Variants in MLKL observed in about 807,000 individuals in gnomAD.
The protein encoded by MLKL is mixed lineage kinase domain like pseudokinase.
Under a neutral mutation model 56.5 loss-of-function variants are expected in MLKL, and 55 were observed. The ratio of observed to expected loss-of-function variants is 0.97; its 90% confidence interval spans 0.78 to 1.22. The LOEUF is 1.22. Among genes scored for constraint, MLKL ranks in the 50% most tolerant of loss-of-function variants. The probability of loss-of-function intolerance (pLI) is 0.00; values close to 1 mark genes in which losing one functional copy is unlikely to be tolerated. For synonymous variants in MLKL, 251 were observed against 208.3 expected (o/e 1.20, Z -1.76); for missense variants, 694 against 573.9 (o/e 1.21, Z -2.14).
chr16:74,684,651 C>T (rs998385919), intron 5 of MLKL, among the ~76,000 whole-genome samples: 3 of 149,622 alleles, frequency 2.0e-5, no homozygotes, highest in Admixed American at 1.3e-4. Flanking sequence ...TGTGCCACCA[C>T]ATCCGGCTAA....
At chr16:74,673,002 T>G (rs1243744891) in intron 10 of MLKL, among the ~76,000 whole-genome samples, 1 of 152,190 alleles carries the variant, frequency 6.6e-6, no homozygotes, top group Non-Finnish European at 1.5e-5. Flanking sequence ...ATGCCGTGAC[T>G]TTGATTCTTC....
chr16:74,682,598 G>T, intron 6 of MLKL, 53 bp downstream of exon 6: 1 of 1,603,342 alleles, frequency 6.2e-7, no homozygotes, highest in Non-Finnish European at 8.5e-7. Context: ...GGAGTATCAG[G>T]AGTGTGGACA....
At chr16:74,680,675 T>C (rs1432463063) in intron 6 of MLKL, among the ~76,000 whole-genome samples, 1 of 152,090 alleles carries the variant, frequency 6.6e-6, no homozygotes, top group Non-Finnish European at 1.5e-5. Context: ...CCCAGCTAAT[T>C]TTTGTATTTT....
In MLKL at chr16:74,672,172, G is replaced by A. The variant is rs1959266969; in HGVS notation, c.*332C>T. On this transcript the variant is annotated 3_prime_UTR_variant, in exon 11 of 11. Transcript: ENST00000308807. Reference sequence around the variant, plus strand: ...ATTCTATTGATCAAATCAAGTCACAGTGCCAGCCCAGATTCAAATGGTGGG... The same window carrying A: ...ATTCTATTGATCAAATCAAGTCACAATGCCAGCCCAGATTCAAATGGTGGG... The A allele has an allele frequency of 4.0e-6, 1 of 248,524 alleles. No individual in the cohort carries two copies. Among genetic ancestry groups the A allele is most frequent in the Admixed American group, 5.0e-5 (1 of 20,200 alleles). 15.4% of individuals were successfully genotyped at this position (248,524 alleles called of 1,614,324 possible). A position where few individuals can be genotyped will look rare whatever the true frequency, so the allele number is the denominator to read the frequency against.
At chr16:74,696,999 A>G (rs1324223403) in intron 1 of MLKL, among the ~76,000 whole-genome samples, 1 of 146,540 alleles carries the variant, frequency 6.8e-6, no homozygotes, top group Non-Finnish European at 1.5e-5. Context: ...ATAGTAATAC[A>G]TATATATAAT....
At chr16:74,699,358 G>C (rs563917528) in intron 1 of MLKL, among the ~76,000 whole-genome samples, 1 of 152,022 alleles carries the variant, frequency 6.6e-6, no homozygotes, top group Non-Finnish European at 1.5e-5. Flanking sequence ...GGGATAACCA[G>C]GATTTTAAAA....
At chr16:74,692,168 C>A (rs1272530452) in intron 3 of MLKL, among the ~76,000 whole-genome samples, 174 bp downstream of exon 3, 1 of 152,214 alleles carries the variant, frequency 6.6e-6, no homozygotes, top group East Asian at 1.9e-4. Context: ...ACATGTTATT[C>A]CATGGACAGA....
At chr16:74,692,273 G>A (rs1960720001) in intron 3 of MLKL, 69 bp downstream of exon 3, 5 of 1,370,420 alleles carry the variant, frequency 3.6e-6, no homozygotes, top group African/African-American at 1.4e-5. Context: ...GCGGGAGGCT[G>A]GGGTCCCAGT....
intron 7 of MLKL, 56 bp from the exon 8 acceptor site, chr16:74,675,820 A>G (rs952323517): frequency 7.6e-6 from 12 of 1,570,140 alleles, no homozygotes; most frequent in African/African-American, 2.7e-5. Flanking sequence ...AGAGGAGTAA[A>G]GGGCAGGGAT....
At chr16:74,679,344 G>A (rs944148953) in intron 6 of MLKL, among the ~76,000 whole-genome samples, 4 of 152,152 alleles carry the variant, frequency 2.6e-5, no homozygotes, top group African/African-American at 9.7e-5. Context: ...GACCCTTCAG[G>A]TCAAAGCAGA....
At chr16:74,681,167 A>G (rs925344182) in intron 6 of MLKL, among the ~76,000 whole-genome samples, 6 of 152,054 alleles carry the variant, frequency 3.9e-5, no homozygotes, top group African/African-American at 1.4e-4. Flanking sequence ...CTGAGATTAC[A>G]GGCCTGTGGC....
At chr16:74,699,999 A>G (rs1023337235) in intron 1 of MLKL, among the ~76,000 whole-genome samples, 14 of 152,306 alleles carry the variant, frequency 9.2e-5, no homozygotes, top group African/African-American at 3.1e-4. Context: ...CGATGAGAAA[A>G]CAGGTTACTA....
intron 1 of MLKL, among the ~76,000 whole-genome samples, chr16:74,697,046 C>CATATATATTAT (rs1961090485): frequency 6.8e-6 from 1 of 146,626 alleles, no homozygotes; most frequent in Admixed American, 6.9e-5. Flanking sequence ...TATAATATTA[C>CATATATATTAT]ATATATATTA....
In MLKL at chr16:74,695,719, G is replaced by A; in HGVS notation, c.39C>T (p.Val13=). 6.2e-7 allele frequency: 1 copy of A among 1,612,784 alleles called. No homozygotes were observed. The change falls in exon 2 of 11, where the codon GTC becomes GTT. Residue 13 remains valine (V), a synonymous_variant. Coordinates refer to ENST00000308807, the MANE Select transcript of MLKL (RefSeq NM_152649.4). ...TCATCTCTTCACACCGTTTGTGGAT[G>A]ACCTGGCCAAGGGTGATAATATGCT... ...NLKHIITLGQ[V]IHKRCEEMKY...
At chr16:74,696,939 ATATATATAATAT>A (rs1961077618) in intron 1 of MLKL, among the ~76,000 whole-genome samples, 1 of 144,056 alleles carries the variant, frequency 6.9e-6, no homozygotes, top group Admixed American at 6.9e-5. Flanking sequence ...ATATATAGTA[ATATATATAATAT>A]TACATATATA....
intron 4 of MLKL, among the ~76,000 whole-genome samples, chr16:74,688,895 A>G (rs1960496865): frequency 6.6e-6 from 1 of 152,228 alleles, no homozygotes; most frequent in Admixed American, 6.5e-5. Flanking sequence ...ACTTGCTATA[A>G]TATAGATGAA....
Position 74,690,093 on chromosome 16 carries a change from G to A in MLKL, c.722+1184C>T, listed in dbSNP as rs193032064. Among the ~76,000 whole-genome samples, 329 of 152,142 alleles carry A rather than the reference G, an allele frequency of 2.2e-3. 4 individuals carry two copies. The highest frequency in any genetic ancestry group is 7.6e-3 in the African/African-American group (315 of 41,546). On this transcript the variant is annotated intron_variant, in intron 4 of 10. Transcript: ENST00000308807. ...CAAGACAAAAGCAGCAACCGTGATG[G>A]AAAAAAGGGCAGAGGATATGAACAG...
At chr16:74,676,471 C>A in intron 7 of MLKL, 1 of 985,364 alleles carries the variant, frequency 1.0e-6, no homozygotes, top group Non-Finnish European at 1.2e-6. Flanking sequence ...GATGGCTCAT[C>A]CCCCTTTCAT....
At chr16:74,696,940 T>A (rs1177309486) in intron 1 of MLKL, among the ~76,000 whole-genome samples, 2 of 140,128 alleles carry the variant, frequency 1.4e-5, no homozygotes, top group Non-Finnish European at 3.0e-5. Flanking sequence ...TATATAGTAA[T>A]ATATATAATA....
Sources: allele counts gnomAD v4.1 joint callset (sites outside exome capture counted in the v4.1 genomes callset), GRCh38; gene constraint gnomAD v4.1.1; transcripts MANE v1.5; gene names NCBI Gene and HGNC (gene_info 2026-07-23, HGNC 2026-07-21).